Variants in NEK10 observed in about 807,000 individuals in gnomAD.
The protein encoded by NEK10 is NIMA related kinase 10, also known as serine/threonine-protein kinase Nek10.
A neutral mutation model predicts 159.8 loss-of-function variants in NEK10; 122 were observed. That is an observed-to-expected ratio of 0.76 (90% CI 0.66 to 0.89). The LOEUF (loss-of-function observed/expected upper bound fraction) is 0.89, where lower values mean the gene tolerates loss of function less well. Among genes scored for constraint, NEK10 ranks in the 40% least tolerant of loss-of-function variants. The probability of loss-of-function intolerance (pLI) is 0.00; values close to 1 mark genes in which losing one functional copy is unlikely to be tolerated. For synonymous variants in NEK10, 466 were observed against 457.1 expected (o/e 1.02, Z -0.25); for missense variants, 1,342 against 1,323.1 (o/e 1.01, Z -0.22).
At chr3:27,154,270 C>G (rs1945181103) in intron 30 of NEK10, among the ~76,000 whole-genome samples, 1 of 152,112 alleles carries the variant, frequency 6.6e-6, no homozygotes, top group Non-Finnish European at 1.5e-5. Flanking sequence ...TTACCCTGAA[C>G]AGACCTATAA....
chr3:27,356,997 A>T (rs1476685025), intron 1 of NEK10, among the ~76,000 whole-genome samples: 2 of 152,278 alleles, frequency 1.3e-5, no homozygotes, highest in African/African-American at 4.8e-5. Flanking sequence ...GGAGTGACTT[A>T]TTTTGTCAGT....
intron 22 of NEK10, among the ~76,000 whole-genome samples, chr3:27,258,864 A>G (rs1438479449): frequency 6.6e-6 from 1 of 152,076 alleles, no homozygotes; most frequent in African/African-American, 2.4e-5. Context: ...ATTTCTCCAC[A>G]TCCTCTCCAG....
At chr3:27,150,540 T>C (rs938059859) in intron 30 of NEK10, among the ~76,000 whole-genome samples, 1 of 152,218 alleles carries the variant, frequency 6.6e-6, no homozygotes, top group Non-Finnish European at 1.5e-5. Context: ...ACTCTGTTTA[T>C]TGAATATTTT....
chr3:27,229,473 C>A (rs1298900072), intron 23 of NEK10, among the ~76,000 whole-genome samples: 1 of 152,070 alleles, frequency 6.6e-6, no homozygotes, highest in Non-Finnish European at 1.5e-5. Flanking sequence ...TTCTATAACA[C>A]CCCCAAAAGA....
At chr3:27,330,955 G>A (rs2046348695) in intron 5 of NEK10, among the ~76,000 whole-genome samples, 1 of 152,082 alleles carries the variant, frequency 6.6e-6, no homozygotes, top group East Asian at 1.9e-4. Flanking sequence ...CACAAACCTG[G>A]CTGGATGCAG....
In NEK10 at chr3:27,192,070, T is replaced by C; in HGVS notation, c.2464A>G (p.Asn822Asp). 1 of 1,614,208 alleles carries C rather than the reference T, an allele frequency of 6.2e-7. No individual in the cohort carries two copies. The highest frequency in any genetic ancestry group is 8.5e-7 in the Non-Finnish European group (1 of 1,180,034). The change falls in exon 26 of 36, where the codon AAC becomes GAC. Residue 822 changes from asparagine (N) to aspartate (D), a missense_variant. Transcript: ENST00000691995. ...TQRYFMEANR[N>D]TVTCHHELAV... Reference sequence around the variant, plus strand: ...AGCTCATGGTGACATGTGACGGTGTTCCGGTTGGCTTCCATAAAATACCTT... The same window carrying C: ...AGCTCATGGTGACATGTGACGGTGTCCCGGTTGGCTTCCATAAAATACCTT...
chr3:27,297,268 T>C, intron 13 of NEK10, 28 bp from the exon 14 acceptor site: 1 of 1,492,548 alleles, frequency 6.7e-7, no homozygotes, highest in Non-Finnish European at 9.3e-7. Flanking sequence ...AAATGCATAG[T>C]GTGCATCATT....
intron 30 of NEK10, among the ~76,000 whole-genome samples, chr3:27,153,461 C>T (rs1296341829): frequency 6.6e-6 from 1 of 151,992 alleles, no homozygotes; most frequent in African/African-American, 2.4e-5. Flanking sequence ...ATGGACTTAA[C>T]AGATATATAC....
intron 15 of NEK10, among the ~76,000 whole-genome samples, chr3:27,294,233 C>T (rs186406955): frequency 4.6e-4 from 70 of 152,306 alleles, no homozygotes; most frequent in African/African-American, 1.7e-3. Flanking sequence ...AAACATCTGA[C>T]ATTTTGCAGT....
In NEK10 at chr3:27,268,054, C is replaced by T. The variant is rs183453421; in HGVS notation, c.2015-11683G>A. On this transcript the variant is annotated intron_variant, in intron 22 of 35. Transcript: ENST00000691995. ...GGACAGAAGGTCAAACCAACACATT[C>T]CCTTAAGCCAATGCCCAATCTGGAG... is the stretch of plus-strand genomic sequence containing the variant. 3.0e-3 allele frequency among the ~76,000 whole-genome samples: 464 copies of T among 152,296 alleles called. 2 individuals carry two copies. The highest frequency in any genetic ancestry group is 0.011 in the African/African-American group (454 of 41,562).
At chr3:27,196,257 A>G (rs1393870853) in intron 25 of NEK10, among the ~76,000 whole-genome samples, 2 of 152,178 alleles carry the variant, frequency 1.3e-5, no homozygotes, top group Admixed American at 6.6e-5. Context: ...TGCCTGCTCA[A>G]TTGATCACGA....
chr3:27,335,273 G>T (rs2046715931), intron 5 of NEK10, among the ~76,000 whole-genome samples: 1 of 151,680 alleles, frequency 6.6e-6, no homozygotes, highest in Admixed American at 6.6e-5. Flanking sequence ...CTGGGAGTTG[G>T]AGGTTGCAGT....
At chr3:27,115,606 C>T (rs751549778) in intron 35 of NEK10, among the ~76,000 whole-genome samples, 3 of 152,128 alleles carry the variant, frequency 2.0e-5, no homozygotes, top group Non-Finnish European at 4.4e-5. Context: ...TTCAGCTCTT[C>T]TAGAATGAGA....
At chr3:27,327,129 G>A (rs990466418) in intron 5 of NEK10, among the ~76,000 whole-genome samples, 5 of 152,234 alleles carry the variant, frequency 3.3e-5, no homozygotes, top group African/African-American at 1.2e-4. Context: ...ATAAGTAATA[G>A]AGCCAGGTGC....
chr3:27,324,071 G>A (rs1021492125), intron 5 of NEK10, among the ~76,000 whole-genome samples: 2 of 152,164 alleles, frequency 1.3e-5, no homozygotes, highest in Admixed American at 6.6e-5. Flanking sequence ...CAGAAGGTGA[G>A]GTTAGCTTAG....
intron 23 of NEK10, among the ~76,000 whole-genome samples, chr3:27,218,390 A>G (rs1951745850): frequency 6.6e-6 from 1 of 152,098 alleles, no homozygotes; most frequent in Non-Finnish European, 1.5e-5. Context: ...GCGGATCACA[A>G]GGTCAGGAGT....
intron 30 of NEK10, among the ~76,000 whole-genome samples, chr3:27,157,442 T>G (rs954522276): frequency 5.3e-5 from 8 of 152,154 alleles, no homozygotes; most frequent in African/African-American, 1.9e-4. Context: ...TAATTGCAAA[T>G]GTAGTAGAAA....
At position 27,196,809 on chromosome 3, in the gene NEK10, C is replaced by T. The variant is rs554653593; in HGVS notation, c.2292-4567G>A. Among the ~76,000 whole-genome samples the T allele has an allele frequency of 1.9e-4, 29 of 152,268 alleles. No individual in the cohort carries two copies. In the East Asian group the frequency reaches 5.0e-3, roughly 26 times the overall value. ...CAAATATGGTACTTTTGTCTTGACA[C>T]CTCTGACGACTCTGTCAATTTTTAA... On this transcript the variant is annotated intron_variant, in intron 25 of 35. Transcript: ENST00000691995.
chr3:27,174,888 G>A (rs1167959213), intron 26 of NEK10, 55 bp from the exon 27 acceptor site: 3 of 1,420,402 alleles, frequency 2.1e-6, no homozygotes, highest in African/African-American at 2.9e-5. Context: ...TCCTTCTATA[G>A]GACCTAAATC....
Sources: allele counts gnomAD v4.1 joint callset (sites outside exome capture counted in the v4.1 genomes callset), GRCh38; gene constraint gnomAD v4.1.1; transcripts MANE v1.5; gene names NCBI Gene and HGNC (gene_info 2026-07-23, HGNC 2026-07-21).